The following CCDC180 variants were observed in gnomAD, a reference collection of about 807,000 sequenced individuals.
CCDC180 encodes the protein coiled-coil domain-containing protein 180.
A neutral mutation model predicts 209.2 loss-of-function variants in CCDC180; 154 were observed. The ratio of observed to expected loss-of-function variants is 0.74; its 90% CI spans 0.65 to 0.84. The LOEUF is 0.84. CCDC180 is among the 40% of genes least tolerant of loss of function. The pLI is 0.00. For synonymous variants in CCDC180, 778 were observed against 749.1 expected (o/e 1.04, Z -0.63); for missense variants, 1,874 against 1,997.3 (o/e 0.94, Z 1.18).
rs1485673333 is a variant in CCDC180 at position 97,377,750 on chromosome 9, C to T, written c.*856C>T. On this transcript the variant is annotated 3_prime_UTR_variant, in exon 37 of 37. Transcript: ENST00000529487. ...CTGAAGCCAGGAGAGTGAGGAGTCCCCTTCCATCAAGGCAAAAGCAATCTC... is the reference window on the plus strand; with the variant it reads ...CTGAAGCCAGGAGAGTGAGGAGTCCTCTTCCATCAAGGCAAAAGCAATCTC... The T allele has an allele frequency of 6.6e-6, 1 of 152,182 alleles. No homozygotes were observed. The highest frequency in any genetic ancestry group is 1.5e-5 in the Non-Finnish European group (1 of 68,054). 9.4% of individuals were successfully genotyped at this position (152,182 alleles called of 1,614,324 possible).
chr9:97,350,474 C>G lies in CCDC180; in HGVS notation c.2921C>G (p.Ser974Cys). Reference protein sequence around the residue: ...LLSYVDVTQVSLRSFRQYLEE... With the variant: ...LLSYVDVTQVCLRSFRQYLEE... ...AGCTATGTTGATGTCACCCAGGTGT[C>G]CCTGCGCAGCTTCCGGCAGTACTTG... The change falls in exon 22 of 37, where the codon TCC becomes TGC. Residue 974 changes from serine (S) to cysteine (C), a missense_variant. Transcript: ENST00000529487. 1 of 1,536,310 alleles carries G rather than the reference C, an allele frequency of 6.5e-7. No homozygotes were observed. Among genetic ancestry groups the G allele is most frequent in the Non-Finnish European group, 8.7e-7 (1 of 1,146,978 alleles).
At position 97,328,065 on chromosome 9, in the gene CCDC180, C is replaced by T. The variant is rs941205375; in HGVS notation, c.1707C>T (p.Tyr569=). 6.2e-7 allele frequency: 1 copy of T among 1,614,028 alleles called. No homozygotes were observed. The highest frequency in any genetic ancestry group is 1.3e-5 in the African/African-American group (1 of 75,020). The change falls in exon 16 of 37, where the codon TAC becomes TAT. Residue 569 remains tyrosine (Y), a synonymous_variant. Transcript: ENST00000529487. ...HTLLTKEVME[Y]PAIMLKELNS... ...TCCTGACAAAGGAAGTGATGGAGTA[C>T]CCAGCGATCATGCTGAAAGAACTCA...
Position 97,317,179 on chromosome 9 carries a change from G to T in CCDC180, c.910G>T (p.Val304Leu). 6.2e-7 allele frequency: 1 copy of T among 1,612,684 alleles called. No homozygotes were observed. Among genetic ancestry groups the T allele is most frequent in the Non-Finnish European group, 8.5e-7 (1 of 1,179,176 alleles). The change falls in exon 9 of 37, where the codon GTG (valine) becomes TTG (leucine). Residue 304 changes from valine to leucine, a missense_variant. Val to Leu is a conservative substitution (Grantham distance 32). Coordinates refer to ENST00000529487, the MANE Select transcript of CCDC180 (RefSeq NM_020893.6). ...CAGCCGCCACCGCTGGCAAGGCTTG[G>T]TGGACACCTGGAAGGCTCTCAAGAA... ...LDSRHRWQGL[V>L]DTWKALKKEA...
chr9:97,376,880 G>C lies in CCDC180; in HGVS notation c.4960G>C (p.Gly1654Arg), dbSNP rs1213864543. 1.2e-6 allele frequency: 2 copies of C among 1,611,898 alleles called. No homozygotes were observed. The highest frequency in any genetic ancestry group is 1.1e-5 in the South Asian group (1 of 90,974). Residue 1654 changes from glycine (G) to arginine (R), a missense_variant, in exon 37 of 37, where the codon GGC becomes CGC. Transcript: ENST00000529487. ...GAAGCAGTCCCTGCACACTATCCAA[G>C]GCCTGTATGTGTGACCCTCCGCCCC... ...SWKQSLHTIQ[G>R]LYV
At position 97,366,774 on chromosome 9, in the gene CCDC180, T is replaced by G. The variant is rs530287610; in HGVS notation, c.4189+74T>G. ...CCAGTGGTGGAGCTCGGCCTTGGCC[T>G]TGTGGCCTGGATCCTCCCCTCTGGG... On this transcript the variant is annotated intron_variant, in intron 31 of 36. Coordinates refer to ENST00000529487, the MANE Select transcript of CCDC180 (RefSeq NM_020893.6). The surrounding 1 kb of genome is among the most constrained non-coding windows in gnomAD (Gnocchi z 4.3). The G allele has an allele frequency of 2.0e-6, 3 of 1,534,220 alleles. No individual in the cohort carries two copies. The highest frequency in any genetic ancestry group is 8.8e-7 in the Non-Finnish European group (1 of 1,134,852).
chr9:97,324,302 C>G (rs1057497929), intron 13 of CCDC180, among the ~76,000 whole-genome samples: 1 of 152,216 alleles, frequency 6.6e-6, no homozygotes, highest in Non-Finnish European at 1.5e-5. Context: ...TCTGACGCAC[C>G]TTGTCAGCTC....
intron 26 of CCDC180, among the ~76,000 whole-genome samples, chr9:97,360,531 T>C (rs1826720400): frequency 6.6e-6 from 1 of 152,132 alleles, no homozygotes; most frequent in Non-Finnish European, 1.5e-5. Context: ...TCTCCCATGG[T>C]CCGTTCCCCG....
At chr9:97,374,260 T>A (rs775871183) in intron 34 of CCDC180, 2 of 397,978 alleles carry the variant, frequency 5.0e-6, no homozygotes, top group Non-Finnish European at 4.5e-6. Flanking sequence ...CGGGGACTCA[T>A]GGAAACTGCA....
intron 21 of CCDC180, among the ~76,000 whole-genome samples, chr9:97,349,943 A>G (rs941786269): frequency 1.1e-4 from 17 of 152,148 alleles, no homozygotes; most frequent in African/African-American, 3.9e-4. Flanking sequence ...CCATTGGAGC[A>G]GGGACAAAGA....
At position 97,364,097 on chromosome 9, in the gene CCDC180, G is replaced by A; in HGVS notation, c.3949G>A (p.Val1317Met). 2 of 1,614,144 alleles carry A rather than the reference G, an allele frequency of 1.2e-6. No individual in the cohort carries two copies. The highest frequency in any genetic ancestry group is 1.7e-6 in the Non-Finnish European group (2 of 1,180,014). Reference sequence around the variant, plus strand: ...CAACAAAATGGAGAGAAAGTACCGGGTGCTTGGGGACAAGCCTCCCCCTGC... The same window carrying A: ...CAACAAAATGGAGAGAAAGTACCGGATGCTTGGGGACAAGCCTCCCCCTGC... ...KPNKMERKYR[V>M]LGDKPPPAAE... Residue 1317 changes from valine (V) to methionine (M), a missense_variant, in exon 29 of 37, where the codon GTG (valine) becomes ATG (methionine). By Grantham distance (21) the Val-to-Met change is conservative. Transcript: ENST00000529487.
chr9:97,375,668 C>G (rs946898893), intron 36 of CCDC180, 79 bp downstream of exon 36: 2 of 1,577,306 alleles, frequency 1.3e-6, no homozygotes, highest in Middle Eastern at 2.2e-4. Context: ...CTTCCCATCA[C>G]CCGGCACCCA....
rs1197839282 is a variant in CCDC180 at position 97,314,951 on chromosome 9, G to A, written c.795+5G>A. 1 of 1,612,696 alleles carries A rather than the reference G, an allele frequency of 6.2e-7. No individual in the cohort carries two copies. The stretch of plus-strand genomic sequence containing the variant: ...CTGATAAATGAAGAAGCCATGGTGA[G>A]TGGTTTTCCTGTGCAGGGATCAGCC... On this transcript the variant is annotated splice_donor_5th_base_variant and intron_variant, in intron 8 of 36. Transcript: ENST00000529487.
Position 97,323,636 on chromosome 9 carries a change from T to G in CCDC180, c.1249-145T>G, listed in dbSNP as rs115341780. The G allele has an allele frequency of 1.2e-3, 1,281 of 1,037,436 alleles. 7 individuals carry two copies. The African/African-American group carries it at 0.015, about 12-fold the overall frequency. 64.3% of individuals were successfully genotyped at this position (1,037,436 alleles called of 1,614,324 possible). A position where few individuals can be genotyped will look rare whatever the true frequency, so the allele number is the denominator to read the frequency against. On this transcript the variant is annotated intron_variant, in intron 12 of 36. Transcript: ENST00000529487. ...AGCTTATGCCTGGCCCTCCAGACCC[T>G]AAGGGGAACAGAATTCATGGGGTGC...
At chr9:97,365,552 A>G (rs1826893940) in intron 29 of CCDC180, 121 bp from the exon 30 acceptor site, 2 of 815,656 alleles carry the variant, frequency 2.5e-6, no homozygotes, top group South Asian at 2.9e-5. Context: ...GGCAGCAGTG[A>G]GTAATTTCAA....
At chr9:97,375,403 T>C (rs1023103734) in intron 35 of CCDC180, 51 bp from the exon 36 acceptor site, 1 of 1,609,934 alleles carries the variant, frequency 6.2e-7, no homozygotes, top group Admixed American at 1.7e-5. Context: ...GTAGGTGGAT[T>C]ATGAAAGATG....
intron 3 of CCDC180, among the ~76,000 whole-genome samples, chr9:97,310,626 T>G (rs948573519): frequency 6.6e-6 from 1 of 152,042 alleles, no homozygotes; most frequent in Non-Finnish European, 1.5e-5. Flanking sequence ...TTGCTGGGCC[T>G]GGGACTCTGA....
intron 33 of CCDC180, 172 bp downstream of exon 33, chr9:97,370,950 CTTTTTTT>C (rs67153822): frequency 3.5e-5 from 4 of 115,140 alleles, no homozygotes; most frequent in South Asian, 1.9e-4. Flanking sequence ...AACTTGTATA[CTTTTTTT>C]TTTTTTTTTT....
Position 97,371,662 on chromosome 9 carries a change from T to C in CCDC180, c.4556T>C (p.Leu1519Pro), listed in dbSNP as rs1398669586. Residue 1519 changes from leucine to proline, a missense_variant, in exon 34 of 37, where the codon CTG (leucine) becomes CCG (proline). Transcript: ENST00000529487. ...GCCACCTTCACCGAGAAGTTCCTACTGCAGTTGGATGAGGTGGTCACCATT... is the reference window on the plus strand; with the variant it reads ...GCCACCTTCACCGAGAAGTTCCTACCGCAGTTGGATGAGGTGGTCACCATT... Reference protein sequence around the residue: ...NLATFTEKFLLQLDEVVTIDD... With the variant: ...NLATFTEKFLPQLDEVVTIDD... 5 of 1,607,020 alleles carry C rather than the reference T, an allele frequency of 3.1e-6. No individual in the cohort carries two copies. The highest frequency in any genetic ancestry group is 4.3e-6 in the Non-Finnish European group (5 of 1,174,556).
At chr9:97,311,936 C>T (rs769586335) in intron 3 of CCDC180, among the ~76,000 whole-genome samples, 177 bp from the exon 4 acceptor site, 6 of 152,110 alleles carry the variant, frequency 3.9e-5, no homozygotes, top group South Asian at 2.1e-4. Flanking sequence ...GAACCCCAGG[C>T]GGCGTTTGTT....
Sources: allele counts gnomAD v4.1 joint callset (sites outside exome capture counted in the v4.1 genomes callset), GRCh38; gene constraint gnomAD v4.1.1; non-coding constraint Gnocchi (gnomAD v3.1); transcripts MANE v1.5; gene names NCBI Gene and HGNC (gene_info 2026-07-23, HGNC 2026-07-21).